MMP11: variants seen among roughly 807,000 people sequenced by gnomAD.
MMP11 encodes matrix metallopeptidase 11.
A neutral mutation model predicts 49.5 loss-of-function variants in MMP11; 26 were observed. The observed-to-expected ratio is 0.52, with a 90% CI of 0.38 to 0.73. The LOEUF (loss-of-function observed/expected upper bound fraction) is 0.73. Ranked by LOEUF, MMP11 falls within the 30% of genes least tolerant of loss-of-function variation. The pLI is 0.00. For missense variants in MMP11, 624 were observed against 671.2 expected, an observed-to-expected ratio of 0.93 and a Z score of 0.78; for synonymous variants, 265 against 282.3, an observed-to-expected ratio of 0.94 and a Z score of 0.62.
At position 23,780,056 on chromosome 22, in the gene MMP11, A is replaced by G; in HGVS notation, c.339-303A>G. 1 of 420,966 alleles carries G rather than the reference A, an allele frequency of 2.4e-6. No individual in the cohort carries two copies. The highest frequency in any genetic ancestry group is 4.3e-6 in the Non-Finnish European group (1 of 230,252). The allele number at this position is 420,966 out of a possible 1,614,324, so 26.1% of individuals were successfully genotyped here. On this transcript the variant is annotated intron_variant, in intron 2 of 7. Transcript: ENST00000215743. This position sits in a 1 kb window ranked among gnomAD's most constrained non-coding sequence, Gnocchi z 4.6. ...GGGGCCTGGGAACCAACAGGGGCTC[A>G]AGGAACCAAGGTGTCCCCACAGTAA...
In MMP11 at chr22:23,780,625, A is replaced by T; in HGVS notation, c.526A>T (p.Ile176Phe). The T allele has an allele frequency of 1.3e-6, 2 of 1,593,194 alleles. No homozygotes were observed. Among genetic ancestry groups the T allele is most frequent in the Non-Finnish European group, 1.7e-6 (2 of 1,170,078 alleles). ...CCTGCCGTTTGATGGGCCTGGGGGC[A>T]TCCTGGCCCATGCCTTCTTCCCCAA... ...DDLPFDGPGG[I>F]LAHAFFPKTH... Residue 176 changes from isoleucine to phenylalanine, a missense_variant, in exon 4 of 8, where the codon ATC becomes TTC. Transcript: ENST00000215743. The surrounding 1 kb of genome is among the most constrained non-coding windows in gnomAD (Gnocchi z 4.6).
intron 1 of MMP11, among the ~76,000 whole-genome samples, chr22:23,775,989 G>A (rs894661409): frequency 6.6e-6 from 1 of 152,252 alleles, no homozygotes; most frequent in African/African-American, 2.4e-5. Context: ...AAGAGAGGAA[G>A]GTGACTTGTC....
chr22:23,776,137 A>G (rs1165130988), intron 1 of MMP11, among the ~76,000 whole-genome samples: 4 of 152,106 alleles, frequency 2.6e-5, no homozygotes, highest in Non-Finnish European at 5.9e-5. Context: ...GGACAGTGGA[A>G]GGGGTGGGGG....
Position 23,780,711 on chromosome 22 carries a change from C to G in MMP11, c.612C>G (p.Asp204Glu), listed in dbSNP as rs758821625. Reference sequence around the variant, plus strand: ...ATGAGACCTGGACTATCGGGGATGACCAGGGTATGGGCTGGGGACCCATTT... The same window carrying G: ...ATGAGACCTGGACTATCGGGGATGAGCAGGGTATGGGCTGGGGACCCATTT... ...DYDETWTIGD[D>E]QGTDLLQVAA... Residue 204 changes from aspartate (D) to glutamate (E), a missense_variant, in exon 4 of 8, where the codon GAC becomes GAG. Physicochemically the swap from Asp to Glu is conservative, Grantham distance 45. Transcript: ENST00000215743. This position sits in a 1 kb window ranked among gnomAD's most constrained non-coding sequence, Gnocchi z 4.6. The G allele has an allele frequency of 6.4e-7, 1 of 1,551,750 alleles. No individual in the cohort carries two copies. Among genetic ancestry groups the G allele is most frequent in the African/African-American group, 1.4e-5 (1 of 72,954 alleles).
intron 6 of MMP11, 108 bp downstream of exon 6, chr22:23,781,517 A>G: frequency 9.2e-7 from 1 of 1,089,638 alleles, no homozygotes; most frequent in Non-Finnish European, 1.3e-6. Flanking sequence ...GGATAGGGAG[A>G]GCTGCCCCAA....
chr22:23,783,774 C>T lies in MMP11; in HGVS notation c.*230C>T. ...ACTGGGCAGGGAGGCTTTGGCATGA[C>T]TTAAGAGGAAGGGCAGTCTTGGGCC... On this transcript the variant is annotated 3_prime_UTR_variant, in exon 8 of 8. Transcript: ENST00000215743. 1 of 600,442 alleles carries T rather than the reference C, an allele frequency of 1.7e-6. No homozygotes were observed. Among genetic ancestry groups the T allele is most frequent in the Non-Finnish European group, 2.9e-6 (1 of 341,620 alleles). 37.2% of individuals were successfully genotyped at this position (600,442 alleles called of 1,614,324 possible). A position where few individuals can be genotyped will look rare whatever the true frequency, so the allele number is the denominator to read the frequency against.
intron 1 of MMP11, among the ~76,000 whole-genome samples, chr22:23,776,639 C>T (rs938654836): frequency 7.2e-5 from 11 of 152,068 alleles, no homozygotes; most frequent in African/African-American, 2.4e-4. Flanking sequence ...ACAGACAGTC[C>T]GCTGCCTGCC....
Position 23,780,497 on chromosome 22 carries a change from C to T in MMP11, c.477C>T (p.Phe159=), listed in dbSNP as rs141262231. The change falls in exon 3 of 8, where the codon TTC becomes TTT. Residue 159 remains phenylalanine, a synonymous_variant. Coordinates refer to ENST00000215743, the MANE Select transcript of MMP11 (RefSeq NM_005940.5). This position sits in a 1 kb window ranked among gnomAD's most constrained non-coding sequence, Gnocchi z 4.6. ...GCCGTGCTGACATCATGATCGACTT[C>T]GCCAGGTGAATGGGCGGCCTGGGAC... ...HEGRADIMID[F]ARYWHGDDLP... 4.0e-5 allele frequency: 64 copies of T among 1,613,758 alleles called. No homozygotes were observed. The South Asian group carries it at 5.4e-4, about 14-fold the overall frequency.
At chr22:23,779,499 C>T in intron 2 of MMP11, 83 bp downstream of exon 2, 5 of 1,219,318 alleles carry the variant, frequency 4.1e-6, no homozygotes, top group African/African-American at 1.5e-5. Flanking sequence ...CTGCTTGAGA[C>T]ACAGGCCAGG....
chr22:23,774,709 C>G (rs1927350157), intron 1 of MMP11, among the ~76,000 whole-genome samples: 2 of 152,002 alleles, frequency 1.3e-5, no homozygotes, highest in African/African-American at 4.8e-5. Context: ...CAAGTGCCCT[C>G]CTCGAAGTCT....
rs767999803 is a variant in MMP11, at chr22:23,781,093, C to A, written c.851C>A (p.Pro284Gln). 6.2e-7 allele frequency: 1 copy of A among 1,607,682 alleles called. No homozygotes were observed. The highest frequency in any genetic ancestry group is 2.2e-5 in the East Asian group (1 of 44,854). ...GGGATAGACACCAATGAGATTGCAC[C>A]GCTGGAGGTGAGGCCCTGCCTGCCA... The part of the protein sequence containing the change: ...QAGIDTNEIA[P>Q]LEPDAPPDAC... Residue 284 changes from proline (P) to glutamine (Q), a missense_variant, in exon 5 of 8, where the codon CCG becomes CAG. Pro to Gln is a moderately conservative substitution (Grantham distance 76, BLOSUM62 -1). Transcript: ENST00000215743.
Position 23,781,395 on chromosome 22 carries a change from T to A in MMP11, c.1061T>A (p.Ile354Asn). ...GCCTTCGAGGATGCCCAGGGCCACA[T>A]TTGGTTCTTCCAAGGTGAGTGGGGG... ...DAAFEDAQGH[I>N]WFFQGAQYWV... Residue 354 changes from isoleucine (I) to asparagine (N), a missense_variant, in exon 6 of 8, where the codon ATT (isoleucine) becomes AAT (asparagine). Coordinates refer to ENST00000215743, the MANE Select transcript of MMP11 (RefSeq NM_005940.5). 1 of 1,605,308 alleles carries A rather than the reference T, an allele frequency of 6.2e-7. No homozygotes were observed. Among genetic ancestry groups the A allele is most frequent in the South Asian group, 1.1e-5 (1 of 90,142 alleles).
intron 1 of MMP11, among the ~76,000 whole-genome samples, chr22:23,778,387 C>T (rs925204833): frequency 2.6e-5 from 4 of 152,290 alleles, no homozygotes; most frequent in African/African-American, 7.2e-5. Flanking sequence ...GGGGCTTTGG[C>T]GAGTGGGGCT....
chr22:23,781,827 T>A, intron 6 of MMP11: 1 of 586,894 alleles, frequency 1.7e-6, no homozygotes, highest in Non-Finnish European at 3.3e-6. Flanking sequence ...GATGAGAGCC[T>A]GGAGCATTGC....
chr22:23,777,244 A>C (rs1927443562), intron 1 of MMP11, among the ~76,000 whole-genome samples: 1 of 138,636 alleles, frequency 7.2e-6, no homozygotes, highest in East Asian at 2.1e-4. Context: ...AAGATGGATA[A>C]ACCTCATCTC....
Position 23,779,349 on chromosome 22 carries a change from G to A in MMP11, c.271G>A (p.Ala91Thr), listed in dbSNP as rs1355493311. 6.2e-7 allele frequency: 1 copy of A among 1,613,114 alleles called. No individual in the cohort carries two copies. Among genetic ancestry groups the A allele is most frequent in the South Asian group, 1.1e-5 (1 of 90,996 alleles). Residue 91 changes from alanine (A) to threonine (T), a missense_variant, in exon 2 of 8, where the codon GCC becomes ACC. Physicochemically the swap from Ala to Thr is moderately conservative, Grantham distance 58. Transcript: ENST00000215743. ...GCCCGACCCATCTGATGGGCTGAGT[G>A]CCCGCAACCGACAGAAGAGGTTCGT... ...GVPDPSDGLSARNRQKRFVLS... is the reference protein window; with the variant it reads ...GVPDPSDGLSTRNRQKRFVLS...
rs747358330 is a variant in MMP11 at position 23,781,357 on chromosome 22, C to A, written c.1023C>A (p.Ser341Arg). 3.7e-6 allele frequency: 6 copies of A among 1,613,184 alleles called. No homozygotes were observed. The highest frequency in any genetic ancestry group is 1.6e-4 in the Middle Eastern group (1 of 6,082). Residue 341 changes from serine (S) to arginine (R), a missense_variant, in exon 6 of 8, where the codon AGC (serine) becomes AGA (arginine). By Grantham distance (110) the Ser-to-Arg change is moderately radical. Coordinates refer to ENST00000215743, the MANE Select transcript of MMP11 (RefSeq NM_005940.5). ...CTCGCCACTGGCAGGGACTGCCCAG[C>A]CCTGTGGACGCTGCCTTCGAGGATG... is the stretch of plus-strand genomic sequence containing the variant. Reference protein sequence around the residue: ...LASRHWQGLPSPVDAAFEDAQ... With the variant: ...LASRHWQGLPRPVDAAFEDAQ...
rs200525797 is a variant in MMP11, at chr22:23,782,221, G to T, written c.1076-5G>T. 3.7e-6 allele frequency: 6 copies of T among 1,607,734 alleles called. No homozygotes were observed. Among genetic ancestry groups the T allele is most frequent in the Non-Finnish European group, 5.1e-6 (6 of 1,175,994 alleles). On this transcript the variant is annotated splice_polypyrimidine_tract_variant and splice_region_variant and intron_variant, in intron 6 of 7. Coordinates refer to ENST00000215743, the MANE Select transcript of MMP11 (RefSeq NM_005940.5). ...CAGGTCCTTGCAGCCTTCCCTCTCC[G>T]GCAGGTGCTCAGTACTGGGTGTACG...
At chr22:23,775,425 T>C (rs1052034420) in intron 1 of MMP11, among the ~76,000 whole-genome samples, 3 of 152,194 alleles carry the variant, frequency 2.0e-5, no homozygotes, top group Non-Finnish European at 4.4e-5. Flanking sequence ...GCCTTGTAGT[T>C]AGGGCATCTG....
Sources: gnomAD v4.1 joint callset for allele counts (sites outside exome capture counted in the v4.1 genomes callset) on GRCh38, gnomAD v4.1.1 for gene constraint, Gnocchi (gnomAD v3.1) non-coding constraint, MANE v1.5 for transcripts, NCBI Gene and HGNC (gene_info 2026-07-23, HGNC 2026-07-21) for gene names.